Variants in FAM114A1 observed in about 807,000 individuals in gnomAD.
The protein encoded by FAM114A1 is family with sequence similarity 114 member A1.
In FAM114A1, 62 loss-of-function variants were observed where a neutral mutation model predicts 64.3. That is an observed-to-expected ratio of 0.96 (90% confidence interval 0.79 to 1.19). The LOEUF is 1.19. FAM114A1 is among the 50% of genes most tolerant of loss of function. The pLI, the probability that FAM114A1 is intolerant of heterozygous loss-of-function variation, is 0.00. For missense variants in FAM114A1, 645 were observed against 676.3 expected, an observed-to-expected ratio of 0.95 and a Z score of 0.51; for synonymous variants, 254 against 251.1, an observed-to-expected ratio of 1.01 and a Z score of -0.11.
At chr4:38,919,060 C>T (rs761519855) in intron 8 of FAM114A1, among the ~76,000 whole-genome samples, 4 of 151,920 alleles carry the variant, frequency 2.6e-5, no homozygotes, top group Non-Finnish European at 5.9e-5. Context: ...GGCTGAGGCA[C>T]GAGAGTCACT....
In FAM114A1 at chr4:38,878,279, G is replaced by T; in HGVS notation, c.201G>T (p.Gly67=). 6.2e-7 allele frequency: 1 copy of T among 1,614,176 alleles called. No homozygotes were observed. Among genetic ancestry groups the T allele is most frequent in the Non-Finnish European group, 8.5e-7 (1 of 1,180,038 alleles). Residue 67 remains glycine, a synonymous_variant, in exon 3 of 15, where the codon GGG becomes GGT. Coordinates refer to ENST00000358869, the MANE Select transcript of FAM114A1 (RefSeq NM_138389.4). ...AGGGTGCAGGGGCTGCCGCCATTGG[G>T]CCCCCTGTGCAGCCTCAGGATGCCA... The part of the protein sequence containing the change: ...AVQGAGAAAI[G]PPVQPQDANA...
intron 14 of FAM114A1, among the ~76,000 whole-genome samples, chr4:38,941,872 T>A (rs1458256250): frequency 6.6e-6 from 1 of 152,216 alleles, no homozygotes; most frequent in East Asian, 1.9e-4. Flanking sequence ...TCAAGAGGGC[T>A]ACTGTATTAG....
intron 7 of FAM114A1, among the ~76,000 whole-genome samples, chr4:38,912,997 T>G (rs1461605961): frequency 6.6e-6 from 1 of 152,226 alleles, no homozygotes; most frequent in African/African-American, 2.4e-5. Flanking sequence ...AGAATTCTCT[T>G]TGCGGCCCTG....
chr4:38,936,742 G>A (rs1184094882), intron 13 of FAM114A1, among the ~76,000 whole-genome samples: 4 of 151,718 alleles, frequency 2.6e-5, no homozygotes, highest in African/African-American at 4.8e-5. Flanking sequence ...TAGTAGAGAC[G>A]GGGTTTCACC....
At position 38,935,700 on chromosome 4, in the gene FAM114A1, T is replaced by C. The variant is rs779949728; in HGVS notation, c.1464-18T>C. The C allele has an allele frequency of 9.8e-5, 152 of 1,555,404 alleles. No homozygotes were observed. Among genetic ancestry groups the C allele is most frequent in the Non-Finnish European group, 1.3e-4 (146 of 1,151,172 alleles). On this transcript the variant is annotated intron_variant, in intron 12 of 14. Transcript: ENST00000358869. ...CCTTATTGAAAACATCCAAGCTTTT[T>C]TTTTTTTCTTCTTTCAGATTAACTA...
rs1718238416 is a variant in FAM114A1 at position 38,908,592 on chromosome 4, G to A, written c.658G>A (p.Gly220Ser). The A allele has an allele frequency of 6.2e-7, 1 of 1,608,726 alleles. No individual in the cohort carries two copies. ...TCTCATGCAGTTATCTCATCTGCAG[G>A]GTAAAAGTGTCTTAACTGGAGGCCT... ...SAITNVVQNT[G>S]KSVLTGGLDA... Residue 220 changes from glycine to serine, a missense_variant and splice_region_variant, in exon 7 of 15, where the codon GGT becomes AGT. Coordinates refer to ENST00000358869, the MANE Select transcript of FAM114A1 (RefSeq NM_138389.4).
Position 38,905,881 on chromosome 4 carries a change from C to T in FAM114A1, c.657+20C>T. ...AACACAGTGAGTCGCTGGCTGCTTC[C>T]TCTCTTTCCCCTGTATTTCCCAGGG... On this transcript the variant is annotated intron_variant, in intron 6 of 14. Coordinates refer to ENST00000358869, the MANE Select transcript of FAM114A1 (RefSeq NM_138389.4). The T allele has an allele frequency of 6.3e-7, 1 of 1,598,312 alleles. No individual in the cohort carries two copies. The highest frequency in any genetic ancestry group is 8.5e-7 in the Non-Finnish European group (1 of 1,171,732).
At chr4:38,932,511 T>C (rs1720736667) in intron 12 of FAM114A1, 137 bp downstream of exon 12, 1 of 957,154 alleles carries the variant, frequency 1.0e-6, no homozygotes. Context: ...TTTTTTGTTT[T>C]GTTGAGACGG....
intron 12 of FAM114A1, 80 bp from the exon 13 acceptor site, chr4:38,935,638 T>C (rs1211567101): frequency 2.1e-6 from 2 of 941,748 alleles, no homozygotes; most frequent in Admixed American, 2.5e-5. Context: ...CATACTGAAT[T>C]AGTATCAGAA....
At position 38,915,091 on chromosome 4, in the gene FAM114A1, G is replaced by T. The variant is rs768559895; in HGVS notation, c.945+18G>T. ...AAAGCAAGGTACTTCTGCACTACTCGTTTGAAATGGCATGCTTAGTCATGT... is the reference window on the plus strand; with the variant it reads ...AAAGCAAGGTACTTCTGCACTACTCTTTTGAAATGGCATGCTTAGTCATGT... On this transcript the variant is annotated intron_variant, in intron 8 of 14. Transcript: ENST00000358869. 1.9e-6 allele frequency: 3 copies of T among 1,611,148 alleles called. No homozygotes were observed. The highest frequency in any genetic ancestry group is 2.5e-6 in the Non-Finnish European group (3 of 1,178,006).
chr4:38,915,657 C>G (rs1369649043), intron 8 of FAM114A1, among the ~76,000 whole-genome samples: 1 of 152,052 alleles, frequency 6.6e-6, no homozygotes, highest in African/African-American at 2.4e-5. Flanking sequence ...CACATTCATA[C>G]TCCTCCACTT....
In FAM114A1 at chr4:38,944,977, A is replaced by G. The variant is rs1009961664; in HGVS notation, c.*1420A>G. 2.0e-5 allele frequency: 3 copies of G among 152,098 alleles called. No individual in the cohort carries two copies. Among genetic ancestry groups the G allele is most frequent in the African/African-American group, 7.2e-5 (3 of 41,406 alleles). The allele number at this position is 152,098 out of a possible 1,614,324, so 9.4% of individuals were successfully genotyped here. A position where few individuals can be genotyped will look rare whatever the true frequency, so the allele number is the denominator to read the frequency against. On this transcript the variant is annotated 3_prime_UTR_variant, in exon 15 of 15. Transcript: ENST00000358869. ...AAATTGGTGTTTTATTTAATGTCCT[A>G]CCCTTTAATTTGTTGCATTTTCCTA...
chr4:38,893,389 G>T (rs796210170), intron 4 of FAM114A1, among the ~76,000 whole-genome samples: 4 of 152,236 alleles, frequency 2.6e-5, no homozygotes, highest in South Asian at 4.1e-4. Context: ...TGTCCTGGAT[G>T]TTTCCAGTTT....
At chr4:38,906,985 G>A (rs1718071345) in intron 6 of FAM114A1, among the ~76,000 whole-genome samples, 1 of 152,114 alleles carries the variant, frequency 6.6e-6, no homozygotes, top group Admixed American at 6.5e-5. Flanking sequence ...ATATATGCTG[G>A]CAAACAAGAG....
chr4:38,899,875 T>C (rs1717335204), intron 4 of FAM114A1, among the ~76,000 whole-genome samples: 1 of 152,210 alleles, frequency 6.6e-6, no homozygotes, highest in South Asian at 2.1e-4. Context: ...TTAATTACTA[T>C]CTAATTTGCA....
chr4:38,910,151 A>G (rs554457133), intron 7 of FAM114A1, among the ~76,000 whole-genome samples: 1 of 152,168 alleles, frequency 6.6e-6, no homozygotes, highest in Non-Finnish European at 1.5e-5. Flanking sequence ...AGGCAGGGGA[A>G]TTGCTTGAAC....
chr4:38,889,649 A>G (rs1414690805), intron 3 of FAM114A1, among the ~76,000 whole-genome samples: 1 of 152,212 alleles, frequency 6.6e-6, no homozygotes, highest in Non-Finnish European at 1.5e-5. Flanking sequence ...CAATTTGAGT[A>G]ACTTGTTGTC....
chr4:38,899,721 G>C (rs545801127), intron 4 of FAM114A1, among the ~76,000 whole-genome samples: 1 of 152,172 alleles, frequency 6.6e-6, no homozygotes, highest in South Asian at 2.1e-4. Context: ...TCCTATATCA[G>C]AGCAAATACA....
intron 13 of FAM114A1, chr4:38,938,498 A>G (rs1721295087): frequency 6.6e-6 from 1 of 152,212 alleles, no homozygotes; most frequent in Non-Finnish European, 1.5e-5. Flanking sequence ...ACTGTATACA[A>G]GCAGAATGAC....
Sources: allele counts gnomAD v4.1 joint callset (sites outside exome capture counted in the v4.1 genomes callset), GRCh38; gene constraint gnomAD v4.1.1; transcripts MANE v1.5; gene names NCBI Gene and HGNC (gene_info 2026-07-23, HGNC 2026-07-21).